Variants in CHSY1 observed in about 807,000 individuals in gnomAD.
CHSY1 encodes the protein N-acetylgalactosaminyl-proteoglycan 3-beta-glucuronosyltransferase 1.
CHSY1 carries 13 observed loss-of-function variants against 59.8 expected under a neutral mutation model. That is an observed-to-expected ratio of 0.22 (90% confidence interval 0.14 to 0.35). The LOEUF (loss-of-function observed/expected upper bound fraction) is 0.35. Among genes scored for constraint, CHSY1 ranks in the 10% least tolerant of loss-of-function variants. CHSY1 has a pLI of 1.00. For synonymous variants in CHSY1, 459 were observed against 401.2 expected, an observed-to-expected ratio of 1.14 and a Z score of -1.72; for missense variants, 947 against 1,030.6, an observed-to-expected ratio of 0.92 and a Z score of 1.11.
At chr15:101,208,285 G>A (rs1049392157) in intron 2 of CHSY1, among the ~76,000 whole-genome samples, 1 of 152,052 alleles carries the variant, frequency 6.6e-6, no homozygotes, top group Non-Finnish European at 1.5e-5. Flanking sequence ...GCTTCTAAAT[G>A]TTTTCCACTA....
chr15:101,203,631 G>T (rs1243776897), intron 2 of CHSY1, among the ~76,000 whole-genome samples: 3 of 152,154 alleles, frequency 2.0e-5, no homozygotes, highest in Non-Finnish European at 1.5e-5. Context: ...GGCAAAAGTA[G>T]TGATTTTTAC....
At chr15:101,251,022 G>A (rs1459731353) in intron 1 of CHSY1, 115 bp downstream of exon 1, 7 of 1,011,370 alleles carry the variant, frequency 6.9e-6, no homozygotes, top group African/African-American at 5.0e-5. Flanking sequence ...CGATCCCGCC[G>A]GAAGCCCAAG....
chr15:101,231,672 C>A (rs2038894380), intron 2 of CHSY1, among the ~76,000 whole-genome samples: 1 of 152,234 alleles, frequency 6.6e-6, no homozygotes, highest in South Asian at 2.1e-4. Flanking sequence ...TGAAAATCCA[C>A]TGGGCTTGAC....
chr15:101,246,130 T>C (rs1365577188), intron 1 of CHSY1, among the ~76,000 whole-genome samples: 2 of 152,216 alleles, frequency 1.3e-5, no homozygotes, highest in Non-Finnish European at 2.9e-5. Context: ...TCAAACTTTC[T>C]TCCCACAGTC....
intron 2 of CHSY1, among the ~76,000 whole-genome samples, chr15:101,220,137 A>G (rs911235378): frequency 1.3e-5 from 2 of 152,216 alleles, no homozygotes; most frequent in Non-Finnish European, 2.9e-5. Flanking sequence ...TTAATGTAAT[A>G]AGTACCCAAA....
In CHSY1 at chr15:101,178,025, C is replaced by T. The variant is rs148790468; in HGVS notation, c.1772G>A (p.Arg591His). Residue 591 changes from arginine to histidine, a missense_variant, in exon 3 of 3, where the codon CGC becomes CAC. Arg to His is a conservative substitution (Grantham distance 29). This residue lies in a region of CHSY1 where 602 missense variants were observed against 676.9 expected (regional missense o/e 0.89). Coordinates refer to ENST00000254190, the MANE Select transcript of CHSY1 (RefSeq NM_014918.5). ...AKQVELMRDY[R>H]IKYPKADMQI... Reference sequence around the variant, plus strand: ...CATGTCGGCTTTAGGGTACTTAATGCGGTAATCTCTCATCAGTTCAACTTG... The same window carrying T: ...CATGTCGGCTTTAGGGTACTTAATGTGGTAATCTCTCATCAGTTCAACTTG... The T allele has an allele frequency of 2.6e-4, 424 of 1,614,108 alleles. No homozygotes were observed. Among genetic ancestry groups the T allele is most frequent in the Admixed American group, 4.0e-4 (24 of 60,016 alleles).
intron 2 of CHSY1, among the ~76,000 whole-genome samples, chr15:101,198,737 G>A (rs2038536221): frequency 6.6e-6 from 1 of 152,180 alleles, no homozygotes; most frequent in Non-Finnish European, 1.5e-5. Flanking sequence ...GCACACTACG[G>A]CCCACTGGCC....
chr15:101,212,574 C>A (rs556889383), intron 2 of CHSY1, among the ~76,000 whole-genome samples: 1 of 152,258 alleles, frequency 6.6e-6, no homozygotes, highest in African/African-American at 2.4e-5. Context: ...CAATCTTTGG[C>A]AGAAGAAAAT....
At chr15:101,238,144 T>TA (rs541936532) in intron 1 of CHSY1, among the ~76,000 whole-genome samples, 2 of 152,260 alleles carry the variant, frequency 1.3e-5, no homozygotes, top group South Asian at 4.1e-4. Flanking sequence ...TTGTTTTTTT[T>TA]AAAAAAAATT....
At chr15:101,189,973 T>C (rs2038423887) in intron 2 of CHSY1, among the ~76,000 whole-genome samples, 1 of 152,224 alleles carries the variant, frequency 6.6e-6, no homozygotes, top group Admixed American at 6.5e-5. Flanking sequence ...CAACCCAGCT[T>C]TGGGTCATGC....
intron 2 of CHSY1, among the ~76,000 whole-genome samples, chr15:101,193,113 T>G (rs2038465835): frequency 6.6e-6 from 1 of 152,240 alleles, no homozygotes; most frequent in Non-Finnish European, 1.5e-5. Flanking sequence ...AGCAACTTGC[T>G]CACACCCCGC....
At chr15:101,234,843 G>T (rs1322189047) in intron 2 of CHSY1, among the ~76,000 whole-genome samples, 1 of 152,092 alleles carries the variant, frequency 6.6e-6, no homozygotes, top group African/African-American at 2.4e-5. Context: ...CTCCAGCCTG[G>T]GAGACAGAGC....
chr15:101,182,774 C>G (rs979540911), intron 2 of CHSY1, among the ~76,000 whole-genome samples: 1 of 152,218 alleles, frequency 6.6e-6, no homozygotes, highest in Non-Finnish European at 1.5e-5. Context: ...ATCATTACAG[C>G]AAAGACACTA....
chr15:101,199,268 C>T (rs2038544193), intron 2 of CHSY1, among the ~76,000 whole-genome samples: 1 of 152,200 alleles, frequency 6.6e-6, no homozygotes, highest in African/African-American at 2.4e-5. Context: ...CTTTGGGAGG[C>T]CGAGGTGGGT....
intron 2 of CHSY1, among the ~76,000 whole-genome samples, chr15:101,217,855 A>C (rs184499725): frequency 2.6e-5 from 4 of 152,226 alleles, no homozygotes; most frequent in African/African-American, 9.6e-5. Context: ...TGTGAGCTGC[A>C]TATTAGTGAC....
chr15:101,245,094 C>G (rs937478741), intron 1 of CHSY1, among the ~76,000 whole-genome samples: 3 of 152,228 alleles, frequency 2.0e-5, no homozygotes, highest in Non-Finnish European at 4.4e-5. Context: ...AGCAACACCG[C>G]TGGGCTGATC....
chr15:101,238,424 G>A (rs940130620), intron 1 of CHSY1, among the ~76,000 whole-genome samples: 4 of 152,172 alleles, frequency 2.6e-5, no homozygotes, highest in Non-Finnish European at 5.9e-5. Context: ...TTCAAGTAGA[G>A]GCAAAATTCA....
chr15:101,187,337 G>A (rs527647199), intron 2 of CHSY1, among the ~76,000 whole-genome samples: 3 of 152,294 alleles, frequency 2.0e-5, no homozygotes, highest in Non-Finnish European at 4.4e-5. Context: ...AAATTAGCCA[G>A]GCATGGTGGC....
At chr15:101,208,146 G>A (rs939987627) in intron 2 of CHSY1, among the ~76,000 whole-genome samples, 4 of 152,192 alleles carry the variant, frequency 2.6e-5, no homozygotes, top group African/African-American at 9.7e-5. Flanking sequence ...GGGTTGAAAT[G>A]GGATTTGGAG....
Sources: allele counts gnomAD v4.1 joint callset (sites outside exome capture counted in the v4.1 genomes callset), GRCh38; gene constraint gnomAD v4.1.1; regional missense constraint gnomAD v4.1.1; transcripts MANE v1.5; gene names NCBI Gene and HGNC (gene_info 2026-07-23, HGNC 2026-07-21).